Variants in SIK3 observed in about 807,000 individuals in gnomAD.
SIK3 encodes serine/threonine-protein kinase SIK3.
SIK3 carries 28 observed loss-of-function variants against 144.2 expected under a neutral mutation model. The observed-to-expected ratio is 0.19, with a 90% CI of 0.14 to 0.27. SIK3 has a LOEUF of 0.27. Among genes scored for constraint, SIK3 ranks in the 10% least tolerant of loss-of-function variants. The pLI is 1.00. For synonymous variants in SIK3, 686 were observed against 676.3 expected (o/e 1.01, Z -0.22); for missense variants, 1,319 against 1,776.0 (o/e 0.74, Z 4.62).
chr11:116,879,477 T>C (rs11826501), intron 6 of SIK3, among the ~76,000 whole-genome samples: 1 of 152,238 alleles, frequency 6.6e-6, no homozygotes, highest in African/African-American at 2.4e-5. Flanking sequence ...TTCTAAGCTG[T>C]GCTCTTGACT....
chr11:116,903,498 A>G (rs1200096698), intron 4 of SIK3, among the ~76,000 whole-genome samples: 3 of 152,226 alleles, frequency 2.0e-5, no homozygotes, highest in Non-Finnish European at 2.9e-5. Flanking sequence ...AAAAATTCTC[A>G]TAACACAAAT....
At chr11:117,011,047 G>C (rs1028192583) in intron 1 of SIK3, among the ~76,000 whole-genome samples, 1 of 152,182 alleles carries the variant, frequency 6.6e-6, no homozygotes, top group South Asian at 2.1e-4. Context: ...TTGAGCATGG[G>C]AGGCAGAGGT....
chr11:116,844,629 A>AT lies in SIK3; in HGVS notation c.*1013_*1014insA, dbSNP rs1491171268. ...TATATTATATATATAATATATATAT[A>AT]ATATATTATATTATATATTATATAT... On this transcript the variant is annotated 3_prime_UTR_variant, in exon 25 of 25. Transcript: ENST00000445177. 2.1e-4 allele frequency: 9 copies of AT among 42,454 alleles called. No individual in the cohort carries two copies. Among genetic ancestry groups the AT allele is most frequent in the Admixed American group, 6.6e-4 (3 of 4,576 alleles). 2.6% of individuals were successfully genotyped at this position (42,454 alleles called of 1,614,324 possible). A position where few individuals can be genotyped will look rare whatever the true frequency, so the allele number is the denominator to read the frequency against.
intron 4 of SIK3, among the ~76,000 whole-genome samples, chr11:116,921,707 T>C (rs1285847598): frequency 1.3e-5 from 2 of 152,334 alleles, no homozygotes; most frequent in East Asian, 3.9e-4. Flanking sequence ...AGGCTTCTTC[T>C]GTATTACTAA....
rs762711029 is a variant in SIK3 at position 116,857,773 on chromosome 11, G to A, written c.3655+37C>T. 2.5e-6 allele frequency: 4 copies of A among 1,608,272 alleles called. No homozygotes were observed. In the African/African-American group the frequency reaches 5.3e-5, roughly 21 times the overall value. ...ATTACTGAGTCAGTTGATTAGGGCA[G>A]ACTGGCCCAGGACTTCCACTGTGAG... On this transcript the variant is annotated intron_variant, in intron 21 of 24. Transcript: ENST00000445177.
chr11:116,932,044 T>C (rs761407154), intron 3 of SIK3, among the ~76,000 whole-genome samples: 3 of 152,218 alleles, frequency 2.0e-5, no homozygotes, highest in Admixed American at 1.3e-4. Context: ...TTATGGCATC[T>C]TTCATTCTTC....
intron 6 of SIK3, among the ~76,000 whole-genome samples, chr11:116,878,923 C>T (rs963519223): frequency 3.2e-4 from 48 of 152,328 alleles, no homozygotes; most frequent in Non-Finnish European, 5.6e-4. Context: ...CCTCCAGTCA[C>T]TCTCTATTAC....
intron 3 of SIK3, among the ~76,000 whole-genome samples, chr11:116,951,726 G>C (rs1296531672): frequency 2.0e-5 from 3 of 152,048 alleles, no homozygotes; most frequent in Non-Finnish European, 2.9e-5. Flanking sequence ...CTACAGCCCA[G>C]GAGTTCACAA....
chr11:116,968,277 G>A (rs1949634262), intron 1 of SIK3, among the ~76,000 whole-genome samples: 1 of 152,066 alleles, frequency 6.6e-6, no homozygotes, highest in Non-Finnish European at 1.5e-5. Flanking sequence ...CAAGTAGCTG[G>A]GACTACAGGC....
At chr11:117,071,447 G>A (rs1954276963) in intron 1 of SIK3, among the ~76,000 whole-genome samples, 1 of 151,912 alleles carries the variant, frequency 6.6e-6, no homozygotes. Context: ...AGGATAAACT[G>A]CAAGCTCATA....
chr11:116,849,578 T>C lies in SIK3; in HGVS notation c.3656-295A>G, dbSNP rs558959560. Reference sequence around the variant, plus strand: ...TCTCTGTTGAATTAACAGTGATCTATTCCCAAACCTAAATGCACATGAGAA... The same window carrying C: ...TCTCTGTTGAATTAACAGTGATCTACTCCCAAACCTAAATGCACATGAGAA... On this transcript the variant is annotated intron_variant, in intron 21 of 24. Transcript: ENST00000445177. The surrounding 1 kb of genome is among the most constrained non-coding windows in gnomAD (Gnocchi z 4.2). Among the ~76,000 whole-genome samples the C allele has an allele frequency of 1.3e-5, 2 of 152,148 alleles. No homozygotes were observed. Among genetic ancestry groups the C allele is most frequent in the Non-Finnish European group, 2.9e-5 (2 of 68,020 alleles).
intron 1 of SIK3, among the ~76,000 whole-genome samples, chr11:117,069,264 C>T (rs1197972563): frequency 1.3e-5 from 2 of 151,412 alleles, no homozygotes; most frequent in Non-Finnish European, 1.5e-5. Context: ...ATACAATGTG[C>T]CTCTTGTACC....
rs115730842 is a variant in SIK3, at chr11:117,025,827, G to A, written c.274-68763C>T. On this transcript the variant is annotated intron_variant, in intron 1 of 24. Coordinates refer to ENST00000445177, the MANE Select transcript of SIK3 (RefSeq NM_001366686.3). ...AGGTGATTATTAACCAAGATGACGT[G>A]GTGAGTCAAGTGCACAGTCAGACCT... 2.1e-3 allele frequency among the ~76,000 whole-genome samples: 313 copies of A among 152,120 alleles called. 3 individuals are homozygous for A. The highest frequency in any genetic ancestry group is 7.0e-3 in the African/African-American group (292 of 41,516).
rs754439792 is a variant in SIK3, at chr11:116,875,404, C to A, written c.1287G>T (p.Gln429His). 3.1e-6 allele frequency: 5 copies of A among 1,614,226 alleles called. No homozygotes were observed. The highest frequency in any genetic ancestry group is 1.6e-4 in the Middle Eastern group (1 of 6,062). ...CAATTTGGTTCTCTGGGTTGATCAG[C>A]TGCACCTGGGGAACGCTGATGTTCA... ...TAMNISVPQV[Q>H]LINPENQIVE... is the part of the protein sequence containing the mutation. Residue 429 changes from glutamine to histidine, a missense_variant, in exon 10 of 25, where the codon CAG (glutamine) becomes CAT (histidine). Physicochemically the swap from Gln to His is conservative, Grantham distance 24. Transcript: ENST00000445177.
chr11:116,861,136 C>G (rs78087637), intron 19 of SIK3, 138 bp downstream of exon 19: 24,790 of 677,714 alleles, frequency 0.037, 563 homozygotes, highest in Middle Eastern at 0.064. Context: ...CAAACCAAAG[C>G]AGCTTGGCTC....
intron 1 of SIK3, 55 bp downstream of exon 1, chr11:117,098,088 G>C: frequency 1.5e-6 from 2 of 1,312,076 alleles, no homozygotes; most frequent in South Asian, 1.7e-5. Context: ...TGGGGGGCGC[G>C]GACCTCTCCC....
chr11:116,849,488 C>T lies in SIK3; in HGVS notation c.3656-205G>A, dbSNP rs1942262442. Among the ~76,000 whole-genome samples, 1 of 152,164 alleles carries T rather than the reference C, an allele frequency of 6.6e-6. No homozygotes were observed. Among genetic ancestry groups the T allele is most frequent in the Non-Finnish European group, 1.5e-5 (1 of 68,028 alleles). The stretch of plus-strand genomic sequence containing the variant: ...GAGCTGTAGGGGAGGGGACCACACC[C>T]TTAGGGAAAAAATTCCACGTAACAG... On this transcript the variant is annotated intron_variant, in intron 21 of 24. Transcript: ENST00000445177. The surrounding 1 kb of genome is among the most constrained non-coding windows in gnomAD (Gnocchi z 4.2).
intron 3 of SIK3, among the ~76,000 whole-genome samples, chr11:116,937,083 T>C (rs546274207): frequency 6.6e-6 from 1 of 152,344 alleles, no homozygotes; most frequent in Admixed American, 6.5e-5. Flanking sequence ...CAAACAATTA[T>C]ATTACAGTAA....
intron 1 of SIK3, among the ~76,000 whole-genome samples, chr11:117,046,427 A>G (rs1430657820): frequency 1.3e-5 from 2 of 152,194 alleles, no homozygotes; most frequent in African/African-American, 4.8e-5. Context: ...AATGGGGGGA[A>G]AAAGGTGTCT....
Sources: gnomAD v4.1 joint callset for allele counts (sites outside exome capture counted in the v4.1 genomes callset) on GRCh38, gnomAD v4.1.1 for gene constraint, Gnocchi (gnomAD v3.1) non-coding constraint, MANE v1.5 for transcripts, NCBI Gene and HGNC (gene_info 2026-07-23, HGNC 2026-07-21) for gene names.